TIGD4: variants seen among roughly 807,000 people sequenced by gnomAD.
The protein encoded by TIGD4 is tigger transposable element derived 4.
Under a neutral mutation model 24.9 loss-of-function variants are expected in TIGD4, and 20 were observed. The ratio of observed to expected loss-of-function variants is 0.80; its 90% CI spans 0.56 to 1.17. The LOEUF (loss-of-function observed/expected upper bound fraction) is 1.17, where lower values mean the gene tolerates loss of function less well. Among genes scored for constraint, TIGD4 ranks in the 50% most tolerant of loss-of-function variants. The probability of loss-of-function intolerance (pLI) is 0.00; values close to 1 mark genes in which losing one functional copy is unlikely to be tolerated. For missense variants in TIGD4, 566 were observed against 591.0 expected (o/e 0.96, Z 0.44); for synonymous variants, 193 against 211.0 (o/e 0.91, Z 0.74).
intron 1 of TIGD4, among the ~76,000 whole-genome samples, chr4:152,772,550 A>AG (rs1730195074): frequency 2.0e-5 from 3 of 152,154 alleles, no homozygotes; most frequent in African/African-American, 7.2e-5. Context: ...AGTATTTAGT[A>AG]CTTTAAGAAA....
chr4:152,771,617 AATT>A (rs1218058739), intron 1 of TIGD4, 75 bp from the exon 2 acceptor site: 2 of 153,798 alleles, frequency 1.3e-5, no homozygotes, highest in African/African-American at 2.4e-5. Context: ...GCTTATACCC[AATT>A]ATTATGTTCT....
chr4:152,770,309 G>A lies in TIGD4; in HGVS notation c.696C>T (p.Val232=), dbSNP rs1730143520. Residue 232 remains valine (V), a synonymous_variant, in exon 2 of 2, where the codon GTC becomes GTT. Coordinates refer to ENST00000304337, the MANE Select transcript of TIGD4 (RefSeq NM_145720.4). The stretch of plus-strand genomic sequence containing the variant: ...AATGTGGAGTTCTCTTTTTTCCAAT[G>A]ACAAGCAAAGGAAGTTTCTCTGAGC... ...MDGSEKLPLL[V]IGKKRTPHCF... 6.2e-7 allele frequency: 1 copy of A among 1,613,570 alleles called. No homozygotes were observed. Among genetic ancestry groups the A allele is most frequent in the Non-Finnish European group, 8.5e-7 (1 of 1,179,846 alleles).
rs760491670 is a variant in TIGD4, at chr4:152,770,340, A to C, written c.665T>G (p.Met222Arg). 1 of 1,614,148 alleles carries C rather than the reference A, an allele frequency of 6.2e-7. No homozygotes were observed. The highest frequency in any genetic ancestry group is 8.5e-7 in the Non-Finnish European group (1 of 1,179,972). Reference protein sequence around the residue: ...DRITLVVGTNMDGSEKLPLLV... With the variant: ...DRITLVVGTNRDGSEKLPLLV... ...CAAAGGAAGTTTCTCTGAGCCATCC[A>C]TGTTTGTGCCAACCACCAGAGTTAT... Residue 222 changes from methionine to arginine, a missense_variant, in exon 2 of 2, where the codon ATG (methionine) becomes AGG (arginine). Met to Arg is a moderately conservative substitution (Grantham distance 91, BLOSUM62 -1). Transcript: ENST00000304337.
chr4:152,774,542 A>G (rs552572863), intron 1 of TIGD4, among the ~76,000 whole-genome samples: 10 of 152,228 alleles, frequency 6.6e-5, no homozygotes, highest in Non-Finnish European at 1.5e-4. Flanking sequence ...CTCATTAATC[A>G]TTCTCCCTCT....
In TIGD4 at chr4:152,770,719, G is replaced by C. The variant is rs1578773037; in HGVS notation, c.286C>G (p.Arg96Gly). Reference sequence around the variant, plus strand: ...GGTACATTTAGACACTGAGCAATTCGATACCATCTCATTAATGCCTCTTCC... The same window carrying C: ...GGTACATTTAGACACTGAGCAATTCCATACCATCTCATTAATGCCTCTTCC... ...DLEEALMRWY[R>G]IAQCLNVPVN... The change falls in exon 2 of 2, where the codon CGA (arginine) becomes GGA (glycine). Residue 96 changes from arginine (R) to glycine (G), a missense_variant. By Grantham distance (125) the Arg-to-Gly change is moderately radical. Coordinates refer to ENST00000304337, the MANE Select transcript of TIGD4 (RefSeq NM_145720.4). 1 of 1,613,672 alleles carries C rather than the reference G, an allele frequency of 6.2e-7. No homozygotes were observed. The highest frequency in any genetic ancestry group is 8.5e-7 in the Non-Finnish European group (1 of 1,179,838).
intron 1 of TIGD4, among the ~76,000 whole-genome samples, chr4:152,777,964 G>A (rs1206795251): frequency 6.6e-6 from 1 of 151,936 alleles, no homozygotes; most frequent in Non-Finnish European, 1.5e-5. Context: ...ATATAGCCTT[G>A]CACAGCGTAA....
chr4:152,773,218 T>C (rs1730207313), intron 1 of TIGD4, among the ~76,000 whole-genome samples: 1 of 152,238 alleles, frequency 6.6e-6, no homozygotes, highest in African/African-American at 2.4e-5. Context: ...GTTTCCCAGG[T>C]GATGCACAAC....
chr4:152,769,941 G>C lies in TIGD4; in HGVS notation c.1064C>G (p.Ala355Gly). ...CCAGCAAAGATGCAATGTATCAACT[G>C]CATCTAGTAGTGAAAATGTAAATTC... is the stretch of plus-strand genomic sequence containing the variant. Reference protein sequence around the residue: ...SKEFTFSLLDAVDTLHLCWRA... With the variant: ...SKEFTFSLLDGVDTLHLCWRA... Residue 355 changes from alanine (A) to glycine (G), a missense_variant, in exon 2 of 2, where the codon GCA (alanine) becomes GGA (glycine). Coordinates refer to ENST00000304337, the MANE Select transcript of TIGD4 (RefSeq NM_145720.4). The C allele has an allele frequency of 1.9e-6, 3 of 1,613,186 alleles. No homozygotes were observed. Among genetic ancestry groups the C allele is most frequent in the South Asian group, 1.1e-5 (1 of 91,030 alleles).
At chr4:152,777,090 G>A (rs1281537316) in intron 1 of TIGD4, among the ~76,000 whole-genome samples, 5 of 152,194 alleles carry the variant, frequency 3.3e-5, no homozygotes, top group Non-Finnish European at 7.4e-5. Flanking sequence ...TCATATCTAT[G>A]TCTATATTGG....
chr4:152,773,896 C>G (rs1050588300), intron 1 of TIGD4, among the ~76,000 whole-genome samples: 11 of 152,154 alleles, frequency 7.2e-5, no homozygotes, highest in Non-Finnish European at 1.6e-4. Context: ...TAGGAAGATA[C>G]CAACCTTCAG....
At chr4:152,774,721 CAT>C (rs1730233676) in intron 1 of TIGD4, among the ~76,000 whole-genome samples, 2 of 152,066 alleles carry the variant, frequency 1.3e-5, no homozygotes, top group African/African-American at 2.4e-5. Context: ...ATAAGAAAAA[CAT>C]AATCTTCTTT....
chr4:152,779,256 A>G (rs1730336918), intron 1 of TIGD4, among the ~76,000 whole-genome samples: 1 of 152,222 alleles, frequency 6.6e-6, no homozygotes, highest in Non-Finnish European at 1.5e-5. Context: ...GCCGGAAAGA[A>G]AAGTATCAAG....
intron 1 of TIGD4, among the ~76,000 whole-genome samples, chr4:152,773,588 T>C (rs537338372): frequency 7.0e-6 from 1 of 142,558 alleles, no homozygotes; most frequent in South Asian, 2.2e-4. Flanking sequence ...CCTGTGACCA[T>C]AGTTACGGAT....
intron 1 of TIGD4, among the ~76,000 whole-genome samples, chr4:152,772,623 G>T (rs2149806088): frequency 6.6e-6 from 1 of 152,146 alleles, no homozygotes; most frequent in African/African-American, 2.4e-5. Context: ...TTTTGGCTGT[G>T]TGAATCTACA....
chr4:152,769,687 A>G lies in TIGD4; in HGVS notation c.1318T>C (p.Cys440Arg). The G allele has an allele frequency of 6.2e-7, 1 of 1,613,826 alleles. No homozygotes were observed. Among genetic ancestry groups the G allele is most frequent in the Non-Finnish European group, 8.5e-7 (1 of 1,179,862 alleles). Residue 440 changes from cysteine to arginine, a missense_variant, in exon 2 of 2, where the codon TGC (cysteine) becomes CGC (arginine). Physicochemically the swap from Cys to Arg is radical, Grantham distance 180. Coordinates refer to ENST00000304337, the MANE Select transcript of TIGD4 (RefSeq NM_145720.4). ...TCATCCGATTTACTTTCTTTGGTGCATATGGAATCACCATTTGGTGCTGCT... is the reference window on the plus strand; with the variant it reads ...TCATCCGATTTACTTTCTTTGGTGCGTATGGAATCACCATTTGGTGCTGCT... ...CEAAPNGDSI[C>R]TKESKSDETG...
chr4:152,775,475 C>T (rs928336378), intron 1 of TIGD4, among the ~76,000 whole-genome samples: 2 of 152,132 alleles, frequency 1.3e-5, no homozygotes, highest in African/African-American at 4.8e-5. Context: ...GAAGAATTTG[C>T]TTCCAGGCGC....
intron 1 of TIGD4, among the ~76,000 whole-genome samples, chr4:152,773,392 G>C (rs192182736): frequency 1.0e-3 from 159 of 152,058 alleles, no homozygotes; most frequent in African/African-American, 3.7e-3. Flanking sequence ...GATAGCCCAG[G>C]GTTTTAGTTT....
Position 152,769,849 on chromosome 4 carries a change from C to T in TIGD4, c.1156G>A (p.Glu386Lys). 6.2e-7 allele frequency: 1 copy of T among 1,613,138 alleles called. No homozygotes were observed. The highest frequency in any genetic ancestry group is 8.5e-7 in the Non-Finnish European group (1 of 1,179,594). Residue 386 changes from glutamate (E) to lysine (K), a missense_variant, in exon 2 of 2, where the codon GAA (glutamate) becomes AAA (lysine). Coordinates refer to ENST00000304337, the MANE Select transcript of TIGD4 (RefSeq NM_145720.4). ...EEAGFKSQKG[E>K]SDITNAEKDT... ...TTCTCTGCATTTGTTATGTCACTTT[C>T]TCCCTTTTGAGATTTGAATCCTGCC...
At chr4:152,777,413 TA>T (rs997825982) in intron 1 of TIGD4, among the ~76,000 whole-genome samples, 8 of 152,098 alleles carry the variant, frequency 5.3e-5, no homozygotes, top group Non-Finnish European at 1.5e-5. Context: ...CTTACCTCTC[TA>T]AAAATAAATG....
Sources: gnomAD v4.1 joint callset for allele counts (sites outside exome capture counted in the v4.1 genomes callset) on GRCh38, gnomAD v4.1.1 for gene constraint, MANE v1.5 for transcripts, NCBI Gene and HGNC (gene_info 2026-07-23, HGNC 2026-07-21) for gene names.